Variants in OSBPL10 observed in about 807,000 individuals in gnomAD.
OSBPL10 encodes the protein oxysterol-binding protein-related protein 10.
Under a neutral mutation model 81.7 loss-of-function variants are expected in OSBPL10, and 49 were observed. The observed-to-expected ratio is 0.60, with a 90% CI of 0.48 to 0.76. The LOEUF (loss-of-function observed/expected upper bound fraction) is 0.76. OSBPL10 is among the 30% of genes least tolerant of loss of function. The pLI is 0.00. For missense variants in OSBPL10, 923 were observed against 987.8 expected, an observed-to-expected ratio of 0.93 and a Z score of 0.88; for synonymous variants, 419 against 383.6, an observed-to-expected ratio of 1.09 and a Z score of -1.08.
In OSBPL10 at chr3:32,049,355, C is replaced by A. The variant is rs1014546145; in HGVS notation, n.186-2752G>T. On this transcript the variant is annotated intron_variant and non_coding_transcript_variant, in intron 1 of 3. Coordinates refer to the OSBPL10 transcript ENST00000479173. ...ATGAAGGGACTATACTGGGGAGACT[C>A]CTGACCCCAAGGACATAGATTGCAG... Among the ~76,000 whole-genome samples the A allele has an allele frequency of 3.3e-5, 5 of 152,124 alleles. 1 individual carries two copies. The highest frequency in any genetic ancestry group is 3.3e-4 in the Admixed American group (5 of 15,244).
chr3:31,844,797 G>A (rs1447887100), intron 3 of OSBPL10, among the ~76,000 whole-genome samples: 1 of 152,230 alleles, frequency 6.6e-6, no homozygotes, highest in African/African-American at 2.4e-5. Context: ...ATTTGGACCA[G>A]GCACAGTGGC....
chr3:32,066,149 GAAGAAAGGAAGA>G (rs1252746033), intron 1 of OSBPL10, among the ~76,000 whole-genome samples: 1 of 51,824 alleles, frequency 1.9e-5, no homozygotes, highest in African/African-American at 4.8e-5. Flanking sequence ...GGGAAGAAAG[GAAGAAAGGAAGA>G]AAGGAAGGAA....
upstream of OSBPL10, among the ~76,000 whole-genome samples, chr3:31,984,402 T>A (rs62244400): frequency 0.086 from 12,998 of 151,460 alleles, 1,058 homozygotes; most frequent in East Asian, 0.47. Flanking sequence ...ATGGGGAAGC[T>A]GATAGATTGG....
chr3:31,960,466 A>C (rs1698129099), intron 1 of OSBPL10: 1 of 152,218 alleles, frequency 6.6e-6, no homozygotes, highest in Admixed American at 6.5e-5. Context: ...AATGAGATGC[A>C]ATAGGGGAAC....
At chr3:31,883,618 A>AC (rs1695653657) in intron 1 of OSBPL10, among the ~76,000 whole-genome samples, 1 of 141,708 alleles carries the variant, frequency 7.1e-6, no homozygotes, top group Admixed American at 7.3e-5. Context: ...TGCAACCTCC[A>AC]CCTCCCGGGT....
At chr3:31,874,201 C>G (rs1174023853) in intron 3 of OSBPL10, among the ~76,000 whole-genome samples, 1 of 151,512 alleles carries the variant, frequency 6.6e-6, no homozygotes, top group Non-Finnish European at 1.5e-5. Context: ...AAAGTTGGTT[C>G]CCCTACCTCA....
intron 1 of OSBPL10, among the ~76,000 whole-genome samples, chr3:31,955,361 G>A (rs983003962): frequency 3.3e-5 from 5 of 152,172 alleles, no homozygotes; most frequent in Middle Eastern, 3.2e-3. Flanking sequence ...GAACTTATCC[G>A]AGGCTAGAAT....
At chr3:31,706,657 A>T (rs974112826) in intron 6 of OSBPL10, among the ~76,000 whole-genome samples, 1 of 152,182 alleles carries the variant, frequency 6.6e-6, no homozygotes, top group African/African-American at 2.4e-5. Context: ...GGGAACATCA[A>T]TGTGGGAGAA....
chr3:31,691,697 T>A (rs1695556985), intron 7 of OSBPL10, among the ~76,000 whole-genome samples: 1 of 152,076 alleles, frequency 6.6e-6, no homozygotes, highest in African/African-American at 2.4e-5. Flanking sequence ...CACCACTGTA[T>A]GCCAGCCTGA....
intron 3 of OSBPL10, among the ~76,000 whole-genome samples, chr3:31,833,290 C>T (rs2125536080): frequency 6.6e-6 from 1 of 152,294 alleles, no homozygotes; most frequent in East Asian, 1.9e-4. Context: ...CCCCCCACTC[C>T]TCCCCTACCA....
At chr3:32,026,057 T>TAGATGATAGATAGATAGATGATA (rs58717718) in intron 2 of OSBPL10, among the ~76,000 whole-genome samples, 12 of 111,230 alleles carry the variant, frequency 1.1e-4, no homozygotes, top group African/African-American at 3.4e-4. Flanking sequence ...GATAGATAGA[T>TAGATGATAGATAGATAGATGATA]GATAGATAGA....
chr3:31,897,707 G>C (rs1696096864), intron 1 of OSBPL10, among the ~76,000 whole-genome samples: 1 of 152,086 alleles, frequency 6.6e-6, no homozygotes. Context: ...ATCAGCACTG[G>C]ATGTATAAGA....
intron 3 of OSBPL10, among the ~76,000 whole-genome samples, chr3:31,861,394 C>T (rs1258883642): frequency 2.0e-5 from 3 of 152,116 alleles, no homozygotes; most frequent in Non-Finnish European, 2.9e-5. Context: ...AATGTAAATG[C>T]TATGTAAACA....
At chr3:31,744,530 T>C (rs1697459457) in intron 5 of OSBPL10, among the ~76,000 whole-genome samples, 2 of 30,530 alleles carry the variant, frequency 6.6e-5, no homozygotes, top group South Asian at 1.6e-3. Context: ...AGAGCGAGAC[T>C]CCGTCTCAAA....
intron 4 of OSBPL10, among the ~76,000 whole-genome samples, chr3:31,824,403 T>G (rs80327922): frequency 0.015 from 2,299 of 152,208 alleles, 26 homozygotes; most frequent in Non-Finnish European, 0.025. Context: ...ATTGTTACAG[T>G]GTTCTGTTGA....
At chr3:31,957,726 C>T (rs1310447229) in intron 1 of OSBPL10, among the ~76,000 whole-genome samples, 6 of 152,112 alleles carry the variant, frequency 3.9e-5, no homozygotes, top group African/African-American at 1.2e-4. Context: ...CTGCAACCTC[C>T]GTCTCCGGGG....
chr3:31,753,180 C>A (rs956708512), intron 4 of OSBPL10, among the ~76,000 whole-genome samples: 1 of 128,236 alleles, frequency 7.8e-6, no homozygotes, highest in Non-Finnish European at 1.6e-5. Flanking sequence ...AGCTGTGCTT[C>A]AAGGATTTTT....
intron 2 of OSBPL10, among the ~76,000 whole-genome samples, chr3:31,993,690 A>G (rs1452556285): frequency 6.6e-6 from 1 of 151,862 alleles, no homozygotes; most frequent in Non-Finnish European, 1.5e-5. Flanking sequence ...ATACACACAC[A>G]CACACACACA....
chr3:31,872,336 G>T (rs1300884075), intron 3 of OSBPL10, among the ~76,000 whole-genome samples: 1 of 152,192 alleles, frequency 6.6e-6, no homozygotes, highest in East Asian at 1.9e-4. Context: ...CCAGGTTCCA[G>T]TCTTAGCACC....
Sources: gnomAD v4.1 joint callset for allele counts (sites outside exome capture counted in the v4.1 genomes callset) on GRCh38, gnomAD v4.1.1 for gene constraint, MANE v1.5 for transcripts, NCBI Gene and HGNC (gene_info 2026-07-23, HGNC 2026-07-21) for gene names.